Variants in LTN1 observed in about 807,000 individuals in gnomAD.
LTN1 encodes the protein E3 ubiquitin-protein ligase listerin.
LTN1 carries 88 observed loss-of-function variants against 201.2 expected under a neutral mutation model. The ratio of observed to expected loss-of-function variants is 0.44; its 90% confidence interval spans 0.37 to 0.52. The LOEUF (loss-of-function observed/expected upper bound fraction) is 0.52, where lower values mean the gene tolerates loss of function less well. Among genes scored for constraint, LTN1 ranks in the 20% least tolerant of loss-of-function variants. The pLI is 0.00. For synonymous variants in LTN1, 645 were observed against 713.5 expected (o/e 0.90, Z 1.53); for missense variants, 1,752 against 2,038.7 (o/e 0.86, Z 2.71).
intron 1 of LTN1, among the ~76,000 whole-genome samples, chr21:28,988,284 T>C (rs1186698615): frequency 6.6e-6 from 1 of 151,036 alleles, no homozygotes; most frequent in Non-Finnish European, 1.5e-5. Context: ...CTCGGCAACA[T>C]GGCAAAACCC....
chr21:28,987,009 A>G, intron 1 of LTN1, 75 bp from the exon 2 acceptor site: 1 of 940,142 alleles, frequency 1.1e-6, no homozygotes, highest in Non-Finnish European at 1.7e-6. Flanking sequence ...TTCCTTGGCT[A>G]TTCCCATGGT....
At chr21:28,945,705 C>A (rs1404126412) in intron 21 of LTN1, 102 bp downstream of exon 21, 14 of 1,050,480 alleles carry the variant, frequency 1.3e-5, no homozygotes, top group South Asian at 2.0e-5. Flanking sequence ...TACAAAGGAA[C>A]CAATTACAAT....
chr21:28,964,147 G>A (rs1401261701), intron 11 of LTN1, among the ~76,000 whole-genome samples: 4 of 152,142 alleles, frequency 2.6e-5, no homozygotes, highest in African/African-American at 9.7e-5. Flanking sequence ...GGGTTTGAAA[G>A]GATTGACTCC....
chr21:28,945,795 G>C lies in LTN1; in HGVS notation c.3768+12C>G. 1 of 1,609,562 alleles carries C rather than the reference G, an allele frequency of 6.2e-7. No homozygotes were observed. On this transcript the variant is annotated intron_variant, in intron 21 of 29. Coordinates refer to ENST00000361371, the MANE Select transcript of LTN1 (RefSeq NM_015565.3). ...AACCCACAAGAGGTGATGACATATC[G>C]GGTTAATTTACCTCCAACCAAGCCA...
Position 28,981,192 on chromosome 21 carries a change from G to C in LTN1, c.737C>G (p.Ser246Cys). Residue 246 changes from serine to cysteine, a missense_variant, in exon 6 of 30, where the codon TCT (serine) becomes TGT (cysteine). Coordinates refer to ENST00000361371, the MANE Select transcript of LTN1 (RefSeq NM_015565.3). ...AAGAGACTTAAATTTCTCCTCCAGAGAATCAAGCTCATTATCAGGTAAAAG... is the reference window on the plus strand; with the variant it reads ...AAGAGACTTAAATTTCTCCTCCAGACAATCAAGCTCATTATCAGGTAAAAG... ...LCLLPDNELD[S>C]LEEKFKSLLS... The C allele has an allele frequency of 6.3e-7, 1 of 1,599,300 alleles. No homozygotes were observed. Among genetic ancestry groups the C allele is most frequent in the Middle Eastern group, 1.7e-4 (1 of 5,988 alleles).
chr21:28,932,657 G>A lies in LTN1; in HGVS notation c.4883C>T (p.Ala1628Val). ...CATTACCTCTCGAGTAGTAGCTCGA[G>A]CTTTAACCTGCAATACAACAAAGGA... ...TQLFNGMTVK[A>V]RATTREVMAT... The change falls in exon 28 of 30, where the codon GCT (alanine) becomes GTT (valine). Residue 1628 changes from alanine (A) to valine (V), a missense_variant. By Grantham distance (64) the Ala-to-Val change is moderately conservative (BLOSUM62 0). Around this residue, in one of 3 missense-constraint regions of LTN1, gnomAD observed 261 missense variants for 350.1 expected, o/e 0.75. Coordinates refer to ENST00000361371, the MANE Select transcript of LTN1 (RefSeq NM_015565.3). 1 of 1,604,300 alleles carries A rather than the reference G, an allele frequency of 6.2e-7. No homozygotes were observed. The highest frequency in any genetic ancestry group is 8.5e-7 in the Non-Finnish European group (1 of 1,175,074).
chr21:28,943,142 G>T, intron 24 of LTN1, 120 bp downstream of exon 24: 1 of 529,106 alleles, frequency 1.9e-6, no homozygotes, highest in South Asian at 3.3e-5. Context: ...TAACTAAAAA[G>T]ATCTATCTGT....
intron 13 of LTN1, among the ~76,000 whole-genome samples, chr21:28,959,085 TA>T (rs2084451918): frequency 6.6e-6 from 1 of 152,202 alleles, no homozygotes; most frequent in African/African-American, 2.4e-5. Context: ...TCTATTTTGA[TA>T]TACACCAAAG....
chr21:28,959,791 C>T (rs1465926801), intron 12 of LTN1, 94 bp from the exon 13 acceptor site: 2 of 1,116,850 alleles, frequency 1.8e-6, no homozygotes, highest in African/African-American at 1.6e-5. Context: ...ATGGGTCTTT[C>T]CTGGATTTTA....
intron 24 of LTN1, among the ~76,000 whole-genome samples, chr21:28,943,027 G>C (rs556924743): frequency 6.6e-6 from 1 of 152,288 alleles, no homozygotes; most frequent in African/African-American, 2.4e-5. Flanking sequence ...TATGGCCAAA[G>C]ATAGTTTTAC....
intron 29 of LTN1, 53 bp downstream of exon 29, chr21:28,931,102 T>A (rs2084207723): frequency 1.9e-6 from 2 of 1,066,824 alleles, no homozygotes. Flanking sequence ...TGTGTGTGTT[T>A]ATGTGTATAA....
Position 28,944,582 on chromosome 21 carries a change from A to G in LTN1, c.3783T>C (p.Asn1261=). 2 of 1,613,010 alleles carry G rather than the reference A, an allele frequency of 1.2e-6. No individual in the cohort carries two copies. Among genetic ancestry groups the G allele is most frequent in the African/African-American group, 1.3e-5 (1 of 75,006 alleles). ...CAAGTGGAATAGAATACAATGCCTGATTCTCACTTGTTGTCTGAAAAAACA... is the reference window on the plus strand; with the variant it reads ...CAAGTGGAATAGAATACAATGCCTGGTTCTCACTTGTTGTCTGAAAAAACA... ...MLAWLETTSE[N]QALYSIPLVQ... is the part of the protein sequence containing the mutation. Residue 1261 remains asparagine, a synonymous_variant, in exon 22 of 30, where the codon AAT becomes AAC. Coordinates refer to ENST00000361371, the MANE Select transcript of LTN1 (RefSeq NM_015565.3).
Position 28,981,165 on chromosome 21 carries a change from A to G in LTN1, c.764T>C (p.Leu255Ser). The G allele has an allele frequency of 2.5e-6, 4 of 1,595,550 alleles. No homozygotes were observed. The highest frequency in any genetic ancestry group is 3.4e-6 in the Non-Finnish European group (4 of 1,174,796). Reference sequence around the variant, plus strand: ...ATACTTCCAAAACTTATTCTGTGATAAAAGAGACTTAAATTTCTCCTCCAG... The same window carrying G: ...ATACTTCCAAAACTTATTCTGTGATGAAAGAGACTTAAATTTCTCCTCCAG... Reference protein sequence around the residue: ...DSLEEKFKSLLSQNKFWKYGK... With the variant: ...DSLEEKFKSLSSQNKFWKYGK... Residue 255 changes from leucine to serine, a missense_variant, in exon 6 of 30, where the codon TTA (leucine) becomes TCA (serine). Transcript: ENST00000361371.
chr21:28,964,805 A>G, intron 11 of LTN1: 5 of 1,515,090 alleles, frequency 3.3e-6, no homozygotes, highest in Non-Finnish European at 4.4e-6. Context: ...CTCTTATCAA[A>G]TTATTTGCAC....
In LTN1 at chr21:28,958,359, A is replaced by G. The variant is rs199795025; in HGVS notation, c.2747+27T>C. On this transcript the variant is annotated intron_variant, in intron 14 of 29. Coordinates refer to ENST00000361371, the MANE Select transcript of LTN1 (RefSeq NM_015565.3). ...GACACTGTTCAAGTATAAAAGAGAC[A>G]CTGAAACCAAGCTCAAAAAAGGTTA... is the stretch of plus-strand genomic sequence containing the variant. The G allele has an allele frequency of 1.9e-4, 297 of 1,590,638 alleles. 3 individuals are homozygous for G. Among genetic ancestry groups the G allele is most frequent in the Middle Eastern group, 5.0e-4 (3 of 6,004 alleles).
chr21:28,944,253 G>T, intron 22 of LTN1, 130 bp downstream of exon 22: 1 of 705,282 alleles, frequency 1.4e-6, no homozygotes, highest in Non-Finnish European at 2.4e-6. Flanking sequence ...GAGAAGCCAA[G>T]CTTTCTCTTC....
intron 6 of LTN1, among the ~76,000 whole-genome samples, chr21:28,974,090 A>G (rs1254504094): frequency 6.6e-6 from 1 of 152,202 alleles, no homozygotes; most frequent in African/African-American, 2.4e-5. Context: ...GATTTCTTAG[A>G]TAAGACATCA....
chr21:28,954,693 C>A (rs563888139), intron 16 of LTN1, among the ~76,000 whole-genome samples: 1 of 152,156 alleles, frequency 6.6e-6, no homozygotes, highest in Admixed American at 6.5e-5. Flanking sequence ...GGGGAAAGGA[C>A]ATCCTCTTCA....
intron 13 of LTN1, 38 bp downstream of exon 13, chr21:28,959,420 G>C (rs773012776): frequency 1.3e-6 from 2 of 1,594,690 alleles, no homozygotes; most frequent in Non-Finnish European, 1.7e-6. Context: ...GTCAGAGCCG[G>C]AGATTCCCAA....
Sources: allele counts gnomAD v4.1 joint callset (sites outside exome capture counted in the v4.1 genomes callset), GRCh38; gene constraint gnomAD v4.1.1; regional missense constraint gnomAD v4.1.1; transcripts MANE v1.5; gene names NCBI Gene and HGNC (gene_info 2026-07-23, HGNC 2026-07-21).